Variants in SLC25A48 observed in about 807,000 individuals in gnomAD.
SLC25A48 encodes CTC-321K16.1.
In SLC25A48, 29 loss-of-function variants were observed where a neutral mutation model predicts 32.2. The ratio of observed to expected loss-of-function variants is 0.90; its 90% CI spans 0.67 to 1.23. The LOEUF (loss-of-function observed/expected upper bound fraction) is 1.23. Ranked by LOEUF, SLC25A48 falls within the 50% of genes most tolerant of loss-of-function variation. SLC25A48 has a pLI of 0.00. For missense variants in SLC25A48, 399 were observed against 422.7 expected, an observed-to-expected ratio of 0.94 and a Z score of 0.49; for synonymous variants, 164 against 172.3, an observed-to-expected ratio of 0.95 and a Z score of 0.38.
chr5:135,828,008 T>G (rs969951444), intron 4 of SLC25A48, among the ~76,000 whole-genome samples: 3 of 152,236 alleles, frequency 2.0e-5, no homozygotes, highest in African/African-American at 7.2e-5. Flanking sequence ...CCCATGTGTG[T>G]GCCATCCAGA....
At chr5:135,709,357 T>G (rs1754598295) in intron 3 of SLC25A48, among the ~76,000 whole-genome samples, 1 of 152,228 alleles carries the variant, frequency 6.6e-6, no homozygotes, top group Non-Finnish European at 1.5e-5. Flanking sequence ...AGATTCCCCC[T>G]GAATTTTGTG....
At chr5:135,838,394 A>G (rs1475153628) in intron 1 of SLC25A48, among the ~76,000 whole-genome samples, 8 of 152,266 alleles carry the variant, frequency 5.3e-5, no homozygotes, top group Admixed American at 2.0e-4. Context: ...TAACAATGCA[A>G]TAGAAAATAA....
At position 135,782,636 on chromosome 5, in the gene SLC25A48, C is replaced by G. The variant is rs1337012741; in HGVS notation, c.-520-29887C>G. On this transcript the variant is annotated intron_variant, in intron 3 of 10. Coordinates refer to the SLC25A48 transcript ENST00000646290. ...GAGGGGAAGATATTACTCCCACTAT[C>G]GAAAAGGCTGTATACCCCTCCCGTG... Among the ~76,000 whole-genome samples, 2 of 116,268 alleles carry G rather than the reference C, an allele frequency of 1.7e-5. 1 individual carries two copies. The highest frequency in any genetic ancestry group is 4.3e-5 in the Non-Finnish European group (2 of 47,032). The allele number at this position is 116,268 out of a possible 152,430, so 76.3% of individuals were successfully genotyped here. A position where few individuals can be genotyped will look rare whatever the true frequency, so the allele number is the denominator to read the frequency against.
chr5:135,658,700 T>C (rs1013690987), intron 3 of SLC25A48, among the ~76,000 whole-genome samples: 3 of 152,190 alleles, frequency 2.0e-5, no homozygotes, highest in Admixed American at 1.3e-4. Context: ...GGTATTCCCA[T>C]AAATCCTTTG....
chr5:135,671,224 A>G (rs949354582), intron 3 of SLC25A48, among the ~76,000 whole-genome samples: 14 of 152,236 alleles, frequency 9.2e-5, no homozygotes, highest in African/African-American at 3.4e-4. Context: ...CAAGCTTGCA[A>G]TTCACAGGTG....
At chr5:135,679,096 G>A (rs1753834602) in intron 3 of SLC25A48, among the ~76,000 whole-genome samples, 1 of 152,162 alleles carries the variant, frequency 6.6e-6, no homozygotes, top group Non-Finnish European at 1.5e-5. Context: ...AGCAGTTGTG[G>A]CATAGGCAAT....
At chr5:135,721,192 CTTTTTTTTTTTTT>C (rs757412641) in intron 3 of SLC25A48, among the ~76,000 whole-genome samples, 6 of 53,866 alleles carry the variant, frequency 1.1e-4, no homozygotes, top group Admixed American at 2.1e-4. Flanking sequence ...CATGCCTGGC[CTTTTTTTTTTTTT>C]TTTTTTTTTT....
At chr5:135,794,189 CATT>C (rs1182549586) in intron 3 of SLC25A48, among the ~76,000 whole-genome samples, 1 of 151,690 alleles carries the variant, frequency 6.6e-6, no homozygotes, top group Admixed American at 6.6e-5. Context: ...GCATGACTCT[CATT>C]ATCGCAGGTG....
chr5:135,681,079 A>G (rs1042700566), intron 3 of SLC25A48, among the ~76,000 whole-genome samples: 10 of 151,978 alleles, frequency 6.6e-5, no homozygotes, highest in African/African-American at 2.2e-4. Context: ...TCTGCCTCCC[A>G]TGTTCAAGTG....
intron 3 of SLC25A48, among the ~76,000 whole-genome samples, chr5:135,725,807 G>T (rs755806487): frequency 7.3e-5 from 11 of 151,626 alleles, no homozygotes; most frequent in Admixed American, 6.6e-4. Context: ...GCAGTTAACA[G>T]ATCAAAATAG....
chr5:135,626,188 T>C (rs1400782346), intron 1 of SLC25A48, among the ~76,000 whole-genome samples: 1 of 152,240 alleles, frequency 6.6e-6, no homozygotes, highest in African/African-American at 2.4e-5. Context: ...TTTTCCATTC[T>C]CTGATGAATG....
intron 3 of SLC25A48, among the ~76,000 whole-genome samples, chr5:135,708,812 G>A (rs1292111101): frequency 3.3e-5 from 5 of 152,270 alleles, no homozygotes; most frequent in South Asian, 4.1e-4. Context: ...GAGAGAGAGC[G>A]AGTGAGTGAG....
In SLC25A48 at chr5:135,698,052, C is replaced by T. The variant is rs570932300; in HGVS notation, c.-521+63096C>T. 1.2e-3 allele frequency among the ~76,000 whole-genome samples: 179 copies of T among 152,330 alleles called. 1 individual carries two copies. Among genetic ancestry groups the T allele is most frequent in the Non-Finnish European group, 1.6e-3 (112 of 68,028 alleles). Reference sequence around the variant, plus strand: ...TCTGACGTTCACAGCAATCAGGCCTCGCCACCTTTAGGTCTGCATCTACCT... The same window carrying T: ...TCTGACGTTCACAGCAATCAGGCCTTGCCACCTTTAGGTCTGCATCTACCT... On this transcript the variant is annotated intron_variant, in intron 3 of 10. Transcript: ENST00000646290.
Position 135,683,023 on chromosome 5 carries a change from C to A in SLC25A48, c.-521+48067C>A, listed in dbSNP as rs193037356. Among the ~76,000 whole-genome samples, 34 of 152,148 alleles carry A rather than the reference C, an allele frequency of 2.2e-4. 1 individual carries two copies. Among genetic ancestry groups the A allele is most frequent in the Non-Finnish European group, 1.5e-5 (1 of 68,018 alleles). Reference sequence around the variant, plus strand: ...CACTGGATGGCTGTGGCTGTTTCTACGATCTGAATCCCACTGGAGAAGCCT... The same window carrying A: ...CACTGGATGGCTGTGGCTGTTTCTAAGATCTGAATCCCACTGGAGAAGCCT... On this transcript the variant is annotated intron_variant, in intron 3 of 10. Coordinates refer to the SLC25A48 transcript ENST00000646290.
chr5:135,796,729 A>C (rs1757190596), intron 3 of SLC25A48, among the ~76,000 whole-genome samples: 1 of 151,240 alleles, frequency 6.6e-6, no homozygotes, highest in Admixed American at 6.6e-5. Flanking sequence ...TCGTGATATT[A>C]CTCATAGTAT....
upstream of SLC25A48, among the ~76,000 whole-genome samples, chr5:135,832,547 G>A (rs776902737): frequency 1.3e-5 from 2 of 152,096 alleles, no homozygotes; most frequent in Non-Finnish European, 2.9e-5. Flanking sequence ...CTCCAAGTTT[G>A]GAGAGCCTTC....
intron 3 of SLC25A48, chr5:135,746,410 G>A: frequency 5.4e-6 from 1 of 184,444 alleles, no homozygotes. Context: ...GTTTTGCCCT[G>A]CCACCCACGC....
At chr5:135,864,413 G>A (rs2126782087) in intron 4 of SLC25A48, among the ~76,000 whole-genome samples, 1 of 152,236 alleles carries the variant, frequency 6.6e-6, no homozygotes, top group East Asian at 1.9e-4. Flanking sequence ...TACAGGGTAG[G>A]GGTTATTGAT....
intron 7 of SLC25A48, among the ~76,000 whole-genome samples, chr5:135,885,781 G>A (rs1443567542): frequency 6.6e-6 from 1 of 152,126 alleles, no homozygotes; most frequent in African/African-American, 2.4e-5. Context: ...AATTCAGAAA[G>A]TTTCTAAATG....
Sources: allele counts gnomAD v4.1 joint callset (sites outside exome capture counted in the v4.1 genomes callset), GRCh38; gene constraint gnomAD v4.1.1; transcripts MANE v1.5; gene names NCBI Gene and HGNC (gene_info 2026-07-23, HGNC 2026-07-21).